The following TRABD2A variants were observed in gnomAD, a reference collection of about 807,000 sequenced individuals.
TRABD2A encodes the protein metalloprotease TIKI1.
Under a neutral mutation model 45.6 loss-of-function variants are expected in TRABD2A, and 43 were observed. That is an observed-to-expected ratio of 0.94 (90% CI 0.74 to 1.22). The LOEUF is 1.22. Among genes scored for constraint, TRABD2A ranks in the 50% most tolerant of loss-of-function variants. The pLI is 0.00. For synonymous variants in TRABD2A, 269 were observed against 265.0 expected (o/e 1.02, Z -0.15); for missense variants, 642 against 652.4 (o/e 0.98, Z 0.17).
At chr2:84,840,790 C>G (rs1681685378) in intron 3 of TRABD2A, among the ~76,000 whole-genome samples, 1 of 152,194 alleles carries the variant, frequency 6.6e-6, no homozygotes, top group African/African-American at 2.4e-5. Flanking sequence ...TTCTTGTTCT[C>G]CCTTTCCTCC....
intron 2 of TRABD2A, among the ~76,000 whole-genome samples, chr2:84,847,809 C>G (rs1031205288): frequency 6.6e-6 from 1 of 152,204 alleles, no homozygotes; most frequent in African/African-American, 2.4e-5. Flanking sequence ...TGTATTGCCT[C>G]ACCATTCTGG....
chr2:84,848,383 C>CAGACAGACAGACAGACAGATAGATAGAT (rs1559090626), intron 2 of TRABD2A, among the ~76,000 whole-genome samples: 2 of 129,330 alleles, frequency 1.5e-5, no homozygotes, highest in Non-Finnish European at 3.4e-5. Context: ...GATAGACAGA[C>CAGACAGACAGACAGACAGATAGATAGAT]AGACAGACAG....
At chr2:84,822,149 T>G (rs1473426108) in intron 6 of TRABD2A, 49 bp from the exon 7 acceptor site, 1 of 1,471,432 alleles carries the variant, frequency 6.8e-7, no homozygotes, top group East Asian at 2.5e-5. Flanking sequence ...CAGAAACCAC[T>G]GCACACGCCA....
At chr2:84,844,659 TG>T (rs1681826888) in intron 2 of TRABD2A, among the ~76,000 whole-genome samples, 1 of 152,134 alleles carries the variant, frequency 6.6e-6, no homozygotes, top group East Asian at 1.9e-4. Flanking sequence ...CCACAACAAC[TG>T]GGAATTGCCA....
intron 2 of TRABD2A, among the ~76,000 whole-genome samples, chr2:84,869,826 A>G (rs1053522933): frequency 9.9e-5 from 15 of 152,004 alleles, no homozygotes; most frequent in Non-Finnish European, 2.1e-4. Flanking sequence ...TAAAAATACA[A>G]AAAGTAGTCG....
At chr2:84,833,127 C>T (rs373978563) in intron 4 of TRABD2A, 5 of 152,152 alleles carry the variant, frequency 3.3e-5, no homozygotes, top group African/African-American at 1.2e-4. Context: ...GTTCATGGGT[C>T]AGCAGGGGCT....
intron 2 of TRABD2A, among the ~76,000 whole-genome samples, chr2:84,867,887 A>G (rs1183616189): frequency 6.6e-6 from 1 of 152,242 alleles, no homozygotes; most frequent in Non-Finnish European, 1.5e-5. Context: ...ACAATGAGAT[A>G]TCATCTCACA....
chr2:84,844,064 C>T (rs748362687), intron 2 of TRABD2A: 1 of 152,246 alleles, frequency 6.6e-6, no homozygotes, highest in Admixed American at 6.5e-5. Context: ...ACAATAGCCT[C>T]TTCTGTCTTG....
intron 2 of TRABD2A, among the ~76,000 whole-genome samples, chr2:84,859,516 C>T (rs914313347): frequency 2.0e-5 from 3 of 152,184 alleles, no homozygotes; most frequent in South Asian, 2.1e-4. Flanking sequence ...CAACAGCCAC[C>T]GCATGGAAGC....
intron 1 of TRABD2A, among the ~76,000 whole-genome samples, chr2:84,872,891 G>A (rs893759838): frequency 6.6e-6 from 1 of 152,136 alleles, no homozygotes; most frequent in Admixed American, 6.5e-5. Context: ...GAGGCGGGGG[G>A]ATTGCCTGAG....
chr2:84,850,501 A>G (rs1372702164), intron 2 of TRABD2A, among the ~76,000 whole-genome samples: 1 of 152,084 alleles, frequency 6.6e-6, no homozygotes, highest in African/African-American at 2.4e-5. Flanking sequence ...GCAACCAGTC[A>G]CAGAGGGCAG....
At chr2:84,835,499 G>A (rs868474653) in intron 4 of TRABD2A, 6 of 151,788 alleles carry the variant, frequency 4.0e-5, no homozygotes, top group Middle Eastern at 3.4e-3. Context: ...CTTCAGCCTC[G>A]ACCTCCAGGG....
chr2:84,847,759 T>G (rs1443765961), intron 2 of TRABD2A, among the ~76,000 whole-genome samples: 2 of 152,220 alleles, frequency 1.3e-5, no homozygotes, highest in Admixed American at 6.5e-5. Context: ...AGGGCTGCCA[T>G]AACAAAATAC....
At chr2:84,863,597 C>CTTTTTTTT (rs55952015) in intron 2 of TRABD2A, among the ~76,000 whole-genome samples, 249 of 78,110 alleles carry the variant, frequency 3.2e-3, no homozygotes, top group East Asian at 6.3e-3. Context: ...TTCAAATTTT[C>CTTTTTTTT]TTTTTTTTTT....
rs773927512 is a variant in TRABD2A, at chr2:84,863,239, C to CTTTTTTTTTTTTTTTTTTTTTTTTTTTTT, written c.669+6985_669+6986insAAAAAAAAAAAAAAAAAAAAAAAAAAAAA. Among the ~76,000 whole-genome samples, 5 of 98,132 alleles carry CTTTTTTTTTTTTTTTTTTTTTTTTTTTTT rather than the reference C, an allele frequency of 5.1e-5. 1 individual carries two copies. The highest frequency in any genetic ancestry group is 8.8e-5 in the African/African-American group (2 of 22,634). The allele number at this position is 98,132 out of a possible 152,430, so 64.4% of individuals were successfully genotyped here. A position where few individuals can be genotyped will look rare whatever the true frequency, so the allele number is the denominator to read the frequency against. On this transcript the variant is annotated intron_variant, in intron 2 of 6. Coordinates refer to ENST00000409520, the MANE Select transcript of TRABD2A (RefSeq NM_001277053.2). Reference sequence around the variant, plus strand: ...CCAAAAGGTTAGACTTCATGTGAATCTTTTTTTTTTTTTTTTTTTTTTTGA... The same window carrying CTTTTTTTTTTTTTTTTTTTTTTTTTTTTT: ...CCAAAAGGTTAGACTTCATGTGAATCTTTTTTTTTTTTTTTTTTTTTTTTTTTTTTTTTTTTTTTTTTTTTTTTTTTTGA...
In TRABD2A at chr2:84,864,813, T is replaced by A. The variant is rs545012121; in HGVS notation, c.669+5412A>T. On this transcript the variant is annotated intron_variant, in intron 2 of 6. Coordinates refer to ENST00000409520, the MANE Select transcript of TRABD2A (RefSeq NM_001277053.2). ...ACCACATGGTATCCCCGGGATCCTC[T>A]CCTTAGGCCTGGCAGGCCACCCCAT... is the stretch of plus-strand genomic sequence containing the variant. 1.3e-3 allele frequency among the ~76,000 whole-genome samples: 205 copies of A among 152,264 alleles called. 6 individuals are homozygous for A. The South Asian group carries it at 0.042, about 31-fold the overall frequency.
intron 4 of TRABD2A, chr2:84,832,492 T>A (rs978506712): frequency 2.4e-5 from 6 of 246,554 alleles, no homozygotes; most frequent in Non-Finnish European, 4.8e-5. Context: ...GTGAGGACAC[T>A]GGTCTGGAGA....
At chr2:84,841,351 A>G (rs1681703632) in intron 3 of TRABD2A, among the ~76,000 whole-genome samples, 1 of 152,148 alleles carries the variant, frequency 6.6e-6, no homozygotes. Flanking sequence ...GCTCAGCCAC[A>G]CTCATCCTGC....
rs1681352998 is a variant in TRABD2A at position 84,831,959 on chromosome 2, C to T, written c.1082+96G>A. On this transcript the variant is annotated intron_variant, in intron 5 of 6. Transcript: ENST00000409520. ...TGGGGGAAATGACGAGGCAGGGGTT[C>T]TCTGGAGCTCCTCAAGATAGCAGCC... is the stretch of plus-strand genomic sequence containing the variant. 4 of 1,226,094 alleles carry T rather than the reference C, an allele frequency of 3.3e-6. No individual in the cohort carries two copies. In the South Asian group the frequency reaches 4.9e-5, roughly 15 times the overall value. The allele number at this position is 1,226,094 out of a possible 1,614,324, so 76.0% of individuals were successfully genotyped here.
Sources: allele counts gnomAD v4.1 joint callset (sites outside exome capture counted in the v4.1 genomes callset), GRCh38; gene constraint gnomAD v4.1.1; transcripts MANE v1.5; gene names NCBI Gene and HGNC (gene_info 2026-07-23, HGNC 2026-07-21).